Variants in ERICH6B observed in about 807,000 individuals in gnomAD.
ERICH6B encodes glutamate-rich protein 6B.
In ERICH6B, 69 loss-of-function variants were observed where a neutral mutation model predicts 80.0. The observed-to-expected ratio is 0.86, with a 90% CI of 0.71 to 1.05. The LOEUF (loss-of-function observed/expected upper bound fraction) is 1.05, where lower values mean the gene tolerates loss of function less well. Ranked by LOEUF, ERICH6B falls within the 50% of genes least tolerant of loss-of-function variation. The probability of loss-of-function intolerance (pLI) is 0.00; values close to 1 mark genes in which losing one functional copy is unlikely to be tolerated. For missense variants in ERICH6B, 754 were observed against 796.1 expected (o/e 0.95, Z 0.64); for synonymous variants, 283 against 291.9 (o/e 0.97, Z 0.31).
At chr13:45,548,060 T>A (rs1406356963) in intron 13 of ERICH6B, among the ~76,000 whole-genome samples, 1 of 152,196 alleles carries the variant, frequency 6.6e-6, no homozygotes, top group Admixed American at 6.5e-5. Flanking sequence ...TGGGCAGGTC[T>A]CAACACTGTG....
chr13:45,547,897 G>A (rs1394870070), intron 13 of ERICH6B, among the ~76,000 whole-genome samples: 2 of 152,210 alleles, frequency 1.3e-5, no homozygotes, highest in Non-Finnish European at 2.9e-5. Flanking sequence ...ATCTGCTCCT[G>A]CCTGAGGGTG....
In ERICH6B at chr13:45,541,374, G is replaced by A; in HGVS notation, c.*88C>T. ...AATTACAAACCAACTCTCATAAAAGGTCAACAGGTCTTTGGGTTTTTTTTC... is the reference window on the plus strand; with the variant it reads ...AATTACAAACCAACTCTCATAAAAGATCAACAGGTCTTTGGGTTTTTTTTC... On this transcript the variant is annotated 3_prime_UTR_variant, in exon 15 of 15. Coordinates refer to ENST00000298738, the MANE Select transcript of ERICH6B (RefSeq NM_182542.3). The A allele has an allele frequency of 8.6e-7, 1 of 1,160,948 alleles. No individual in the cohort carries two copies. The highest frequency in any genetic ancestry group is 1.2e-6 in the Non-Finnish European group (1 of 817,060). The allele number at this position is 1,160,948 out of a possible 1,614,324, so 71.9% of individuals were successfully genotyped here.
chr13:45,589,903 G>A (rs117201800), intron 4 of ERICH6B, among the ~76,000 whole-genome samples: 2 of 152,164 alleles, frequency 1.3e-5, no homozygotes, highest in African/African-American at 4.8e-5. Context: ...AGGGCTGGAG[G>A]GGGGCTGCCT....
At chr13:45,579,609 G>T (rs1030589094) in intron 7 of ERICH6B, among the ~76,000 whole-genome samples, 7 of 152,218 alleles carry the variant, frequency 4.6e-5, no homozygotes, top group African/African-American at 1.7e-4. Flanking sequence ...GGAGGTGCAG[G>T]TATCCCAGTC....
chr13:45,587,791 C>T (rs757624897), intron 4 of ERICH6B, among the ~76,000 whole-genome samples: 7 of 152,188 alleles, frequency 4.6e-5, no homozygotes, highest in Non-Finnish European at 8.8e-5. Context: ...GACACATCAA[C>T]CCACACTATG....
At chr13:45,565,855 G>A (rs551463645) in intron 9 of ERICH6B, among the ~76,000 whole-genome samples, 139 of 152,320 alleles carry the variant, frequency 9.1e-4, no homozygotes, top group African/African-American at 3.0e-3. Flanking sequence ...CTGAAAATGC[G>A]GAAGTGACTT....
intron 8 of ERICH6B, among the ~76,000 whole-genome samples, chr13:45,572,516 TAGA>T (rs1004769338): frequency 6.6e-6 from 1 of 152,172 alleles, no homozygotes; most frequent in African/African-American, 2.4e-5. Flanking sequence ...CTTAGAGAGC[TAGA>T]AGAACACGTA....
chr13:45,562,145 C>T (rs940234505), intron 10 of ERICH6B, among the ~76,000 whole-genome samples: 2 of 152,222 alleles, frequency 1.3e-5, no homozygotes, highest in African/African-American at 2.4e-5. Flanking sequence ...TCACTGCAAC[C>T]TCTGCCTCCT....
intron 1 of ERICH6B, among the ~76,000 whole-genome samples, chr13:45,611,404 G>A (rs894301802): frequency 6.6e-6 from 1 of 152,214 alleles, no homozygotes; most frequent in African/African-American, 2.4e-5. Context: ...CAAGGCATTT[G>A]TATCTATATA....
In ERICH6B at chr13:45,561,494, A is replaced by G; in HGVS notation, c.1282T>C (p.Phe428Leu). ...GGTGTTGGTTTGCTCATTAAATGAA[A>G]TGTGAAACTGGTCATCTCTGTTAAC... ...QKLTEMTSFT[F>L]HLMSKPTPEK... The change falls in exon 11 of 15, where the codon TTT becomes CTT. Residue 428 changes from phenylalanine to leucine, a missense_variant. Phe to Leu is a conservative substitution (Grantham distance 22). Transcript: ENST00000298738. 1 of 1,551,854 alleles carries G rather than the reference A, an allele frequency of 6.4e-7. No individual in the cohort carries two copies. Among genetic ancestry groups the G allele is most frequent in the Non-Finnish European group, 8.7e-7 (1 of 1,147,012 alleles).
intron 11 of ERICH6B, among the ~76,000 whole-genome samples, chr13:45,557,799 T>C (rs1246460709): frequency 1.3e-5 from 2 of 152,258 alleles, no homozygotes; most frequent in African/African-American, 4.8e-5. Flanking sequence ...TGTGCCTATT[T>C]TTATACCAGT....
intron 7 of ERICH6B, among the ~76,000 whole-genome samples, chr13:45,576,045 C>G (rs1253074171): frequency 6.6e-6 from 1 of 152,198 alleles, no homozygotes; most frequent in African/African-American, 2.4e-5. Context: ...ATTTTGTGTC[C>G]TTCTTATGCC....
intron 5 of ERICH6B, among the ~76,000 whole-genome samples, chr13:45,583,369 A>T (rs1875753616): frequency 6.6e-6 from 1 of 152,124 alleles, no homozygotes; most frequent in Non-Finnish European, 1.5e-5. Flanking sequence ...AAGAATGTTT[A>T]TCCTGGGATT....
intron 2 of ERICH6B, among the ~76,000 whole-genome samples, chr13:45,606,667 C>A (rs1490385763): frequency 1.3e-5 from 2 of 148,974 alleles, no homozygotes; most frequent in Non-Finnish European, 3.0e-5. Flanking sequence ...GATTCTCCTG[C>A]TTCAGCCTCC....
chr13:45,598,476 T>C (rs1876496554), intron 2 of ERICH6B, among the ~76,000 whole-genome samples: 1 of 152,122 alleles, frequency 6.6e-6, no homozygotes, highest in African/African-American at 2.4e-5. Context: ...ACTTAAGAGA[T>C]ACATATCTTG....
chr13:45,571,107 G>A (rs2404221), intron 8 of ERICH6B, among the ~76,000 whole-genome samples: 13,445 of 152,186 alleles, frequency 0.088, 1,009 homozygotes, highest in African/African-American at 0.2. Context: ...GGAATGCAGT[G>A]TCTGTGCCAT....
rs1875006958 is a variant in ERICH6B, at chr13:45,568,300, T to G, written c.1187+15A>C. Reference sequence around the variant, plus strand: ...AAATCCACTGACCAATCACTTGGCCTCACCAGTTACTTACATAATTACCAG... The same window carrying G: ...AAATCCACTGACCAATCACTTGGCCGCACCAGTTACTTACATAATTACCAG... On this transcript the variant is annotated intron_variant, in intron 9 of 14. Coordinates refer to ENST00000298738, the MANE Select transcript of ERICH6B (RefSeq NM_182542.3). 6.5e-7 allele frequency: 1 copy of G among 1,533,316 alleles called. No homozygotes were observed. Among genetic ancestry groups the G allele is most frequent in the Admixed American group, 2.1e-5 (1 of 48,304 alleles). The allele number at this position is 1,533,316 out of a possible 1,614,324, so 95.0% of individuals were successfully genotyped here. A position where few individuals can be genotyped will look rare whatever the true frequency, so the allele number is the denominator to read the frequency against.
At chr13:45,593,603 C>T (rs1325268960) in intron 3 of ERICH6B, among the ~76,000 whole-genome samples, 1 of 152,162 alleles carries the variant, frequency 6.6e-6, no homozygotes, top group East Asian at 1.9e-4. Flanking sequence ...CTTGCCCAAG[C>T]TCATGCAACT....
intron 1 of ERICH6B, among the ~76,000 whole-genome samples, chr13:45,612,247 C>G (rs1281006097): frequency 6.6e-6 from 1 of 152,112 alleles, no homozygotes; most frequent in Non-Finnish European, 1.5e-5. Flanking sequence ...TCCCTCTTTC[C>G]TTCCATAAAC....
Sources: allele counts gnomAD v4.1 joint callset (sites outside exome capture counted in the v4.1 genomes callset), GRCh38; gene constraint gnomAD v4.1.1; transcripts MANE v1.5; gene names NCBI Gene and HGNC (gene_info 2026-07-23, HGNC 2026-07-21).